Variants in CNTNAP2 observed in about 807,000 individuals in gnomAD.
CNTNAP2 encodes contactin-associated protein-like 2.
Under a neutral mutation model 155.2 loss-of-function variants are expected in CNTNAP2, and 98 were observed. That is an observed-to-expected ratio of 0.63 (90% confidence interval 0.54 to 0.75). The LOEUF is 0.75. Ranked by LOEUF, CNTNAP2 falls within the 30% of genes least tolerant of loss-of-function variation. The pLI, the probability that CNTNAP2 is intolerant of heterozygous loss-of-function variation, is 0.00. For missense variants in CNTNAP2, 1,727 were observed against 1,688.1 expected, an observed-to-expected ratio of 1.02 and a Z score of -0.40; for synonymous variants, 651 against 631.2, an observed-to-expected ratio of 1.03 and a Z score of -0.47.
intron 1 of CNTNAP2, among the ~76,000 whole-genome samples, chr7:146,665,062 C>T (rs1800166610): frequency 6.6e-6 from 1 of 152,092 alleles, no homozygotes; most frequent in African/African-American, 2.4e-5. Context: ...GCTTCTCGTG[C>T]CTTAGCCTTC....
intron 3 of CNTNAP2, among the ~76,000 whole-genome samples, chr7:146,886,732 G>A (rs1286461514): frequency 6.7e-6 from 1 of 150,136 alleles, no homozygotes; most frequent in Non-Finnish European, 1.5e-5. Context: ...GTGTTCCTCA[G>A]TACCAAAATT....
At chr7:147,978,072 T>A (rs1801462109) in intron 15 of CNTNAP2, 83 bp downstream of exon 15, 4 of 1,543,348 alleles carry the variant, frequency 2.6e-6, no homozygotes, top group Non-Finnish European at 3.5e-6. Context: ...ATGCCTGCAA[T>A]CAGACTTGCT....
chr7:146,471,988 A>G (rs1396996764), intron 1 of CNTNAP2, among the ~76,000 whole-genome samples: 1 of 152,228 alleles, frequency 6.6e-6, no homozygotes, highest in African/African-American at 2.4e-5. Flanking sequence ...GCAAGTTTGA[A>G]TGAAAATGTC....
At chr7:147,330,566 A>G (rs1795541572) in intron 9 of CNTNAP2, among the ~76,000 whole-genome samples, 1 of 152,170 alleles carries the variant, frequency 6.6e-6, no homozygotes. Context: ...AAGGGTTTTC[A>G]CTAACTCTGG....
intron 15 of CNTNAP2, among the ~76,000 whole-genome samples, chr7:148,033,657 A>G (rs148713879): frequency 0.012 from 1,824 of 152,282 alleles, 37 homozygotes; most frequent in African/African-American, 0.041. Flanking sequence ...GACTGCACAT[A>G]TTAGCTTTAA....
chr7:147,378,180 C>T, intron 9 of CNTNAP2: 1 of 299,726 alleles, frequency 3.3e-6, no homozygotes, highest in Non-Finnish European at 6.6e-6. Context: ...TTTTAAATTT[C>T]TGAATGACAT....
At chr7:146,220,630 AGT>A (rs1252444673) in intron 1 of CNTNAP2, among the ~76,000 whole-genome samples, 1 of 152,156 alleles carries the variant, frequency 6.6e-6, no homozygotes, top group African/African-American at 2.4e-5. Context: ...TTGAACTAAT[AGT>A]GTGATTGTTA....
intron 13 of CNTNAP2, among the ~76,000 whole-genome samples, chr7:147,732,370 TC>T (rs1796757821): frequency 6.6e-6 from 1 of 152,114 alleles, no homozygotes; most frequent in South Asian, 2.1e-4. Flanking sequence ...CATGAACTCA[TC>T]CTTTTTATGG....
chr7:147,525,919 G>T (rs1799310072), intron 11 of CNTNAP2, among the ~76,000 whole-genome samples: 1 of 152,034 alleles, frequency 6.6e-6, no homozygotes, highest in Non-Finnish European at 1.5e-5. Flanking sequence ...TAGGCTGGGT[G>T]CAGTGGCTCA....
chr7:148,326,394 C>T (rs563248331), intron 21 of CNTNAP2, among the ~76,000 whole-genome samples: 1 of 152,188 alleles, frequency 6.6e-6, no homozygotes, highest in East Asian at 1.9e-4. Flanking sequence ...ACAGACATTG[C>T]TTTCTATATG....
intron 15 of CNTNAP2, among the ~76,000 whole-genome samples, chr7:148,088,602 A>G (rs185027442): frequency 3.0e-4 from 45 of 152,046 alleles, no homozygotes; most frequent in Middle Eastern, 6.8e-3. Flanking sequence ...AGAACCCACC[A>G]AAACTGAATC....
At chr7:147,393,483 CAAA>C (rs753538177) in intron 9 of CNTNAP2, among the ~76,000 whole-genome samples, 1 of 89,350 alleles carries the variant, frequency 1.1e-5, no homozygotes, top group African/African-American at 3.9e-5. Flanking sequence ...CCCAATTATT[CAAA>C]AAAAAAAAAA....
chr7:147,371,206 C>G (rs1796332685), intron 9 of CNTNAP2, among the ~76,000 whole-genome samples: 1 of 152,114 alleles, frequency 6.6e-6, no homozygotes, highest in Non-Finnish European at 1.5e-5. Context: ...ATGTAAAATT[C>G]ACGACCATAT....
chr7:147,566,289 CAAG>C lies in CNTNAP2; in HGVS notation c.1897+4042_1897+4044del, dbSNP rs898242107. Among the ~76,000 whole-genome samples, 375 of 132,578 alleles carry C rather than the reference CAAG, an allele frequency of 2.8e-3. 3 individuals are homozygous for C. The highest frequency in any genetic ancestry group is 9.9e-3 in the African/African-American group (347 of 34,938). 87.0% of individuals were successfully genotyped at this position (132,578 alleles called of 152,430 possible). On this transcript the variant is annotated intron_variant, in intron 12 of 23. Coordinates refer to ENST00000361727, the MANE Select transcript of CNTNAP2 (RefSeq NM_014141.6). Reference sequence around the variant, plus strand: ...CCAGCCTGAGTGCCAGAAACCCTGCCAAGAAGAAGAAGGAGGAGGAGTAAGAGG... The same window carrying C: ...CCAGCCTGAGTGCCAGAAACCCTGCCAAGAAGAAGGAGGAGGAGTAAGAGG...
At chr7:146,639,723 G>C (rs938639840) in intron 1 of CNTNAP2, among the ~76,000 whole-genome samples, 7 of 152,188 alleles carry the variant, frequency 4.6e-5, no homozygotes, top group Non-Finnish European at 7.3e-5. Flanking sequence ...AGGCACTGTG[G>C]TCAACACTTA....
intron 10 of CNTNAP2, among the ~76,000 whole-genome samples, chr7:147,422,921 A>C (rs968380498): frequency 9.2e-5 from 14 of 152,184 alleles, no homozygotes; most frequent in African/African-American, 3.1e-4. Context: ...TTTATATATA[A>C]CTTTACTGCA....
chr7:146,372,584 A>G lies in CNTNAP2; in HGVS notation c.97+255611A>G, dbSNP rs191553137. 3.3e-3 allele frequency among the ~76,000 whole-genome samples: 506 copies of G among 152,278 alleles called. 1 individual carries two copies. Among genetic ancestry groups the G allele is most frequent in the African/African-American group, 0.012 (478 of 41,534 alleles). ...ATTTCTAAGAAGTAATGTTATTTTCATGTTCCCAAATGATCACTTCAAAGA... is the reference window on the plus strand; with the variant it reads ...ATTTCTAAGAAGTAATGTTATTTTCGTGTTCCCAAATGATCACTTCAAAGA... On this transcript the variant is annotated intron_variant, in intron 1 of 23. Coordinates refer to ENST00000361727, the MANE Select transcript of CNTNAP2 (RefSeq NM_014141.6).
At chr7:146,732,769 T>TGGC (rs1801548140) in intron 1 of CNTNAP2, among the ~76,000 whole-genome samples, 1 of 152,134 alleles carries the variant, frequency 6.6e-6, no homozygotes, top group Non-Finnish European at 1.5e-5. Flanking sequence ...TAGTATTTTC[T>TGGC]ATAACCTGCA....
At chr7:147,758,798 T>C (rs925859283) in intron 13 of CNTNAP2, among the ~76,000 whole-genome samples, 2 of 152,076 alleles carry the variant, frequency 1.3e-5, no homozygotes, top group African/African-American at 4.8e-5. Flanking sequence ...TGAGCCCAGA[T>C]TGCTCCACTG....
Sources: allele counts gnomAD v4.1 joint callset (sites outside exome capture counted in the v4.1 genomes callset), GRCh38; gene constraint gnomAD v4.1.1; transcripts MANE v1.5; gene names NCBI Gene and HGNC (gene_info 2026-07-23, HGNC 2026-07-21).